Variants in ADAM18 observed in about 807,000 individuals in gnomAD.
ADAM18 encodes disintegrin and metalloproteinase domain-containing protein 18.
ADAM18 carries 117 observed loss-of-function variants against 94.4 expected under a neutral mutation model. That is an observed-to-expected ratio of 1.24 (90% CI 1.07 to 1.45). The LOEUF is 1.45. ADAM18 is among the 40% of genes most tolerant of loss of function. The pLI is 0.00. For synonymous variants in ADAM18, 327 were observed against 291.6 expected, an observed-to-expected ratio of 1.12 and a Z score of -1.24; for missense variants, 936 against 880.0, an observed-to-expected ratio of 1.06 and a Z score of -0.81.
chr8:39,641,564 A>G (rs1186299765), intron 10 of ADAM18, among the ~76,000 whole-genome samples: 1 of 151,692 alleles, frequency 6.6e-6, no homozygotes. Context: ...AGGCGTCCAT[A>G]TGTTCTCATC....
chr8:39,697,917 A>C (rs1049063028), intron 17 of ADAM18, among the ~76,000 whole-genome samples: 2 of 151,832 alleles, frequency 1.3e-5, no homozygotes, highest in Admixed American at 1.3e-4. Context: ...TGATTTGCTC[A>C]AGTGTAGTTT....
rs1444831899 is a variant in ADAM18 at position 39,670,216 on chromosome 8, C to T, written c.1525+2020C>T. On this transcript the variant is annotated intron_variant, in intron 14 of 19. Coordinates refer to ENST00000265707, the MANE Select transcript of ADAM18 (RefSeq NM_014237.3). Reference sequence around the variant, plus strand: ...GTTCATTGTAGATTCTGGATATTAGCCCTTTGTCAGATGAGTTCTGATTGC... The same window carrying T: ...GTTCATTGTAGATTCTGGATATTAGTCCTTTGTCAGATGAGTTCTGATTGC... 2.0e-5 allele frequency among the ~76,000 whole-genome samples: 3 copies of T among 152,124 alleles called. No homozygotes were observed. In the East Asian group the frequency reaches 5.8e-4, roughly 29 times the overall value.
intron 12 of ADAM18, among the ~76,000 whole-genome samples, chr8:39,653,833 C>T (rs1820609089): frequency 6.6e-6 from 1 of 152,128 alleles, no homozygotes; most frequent in Non-Finnish European, 1.5e-5. Flanking sequence ...GGGAACGTTA[C>T]AATTCTTCTC....
chr8:39,682,185 C>T (rs1563304783), intron 16 of ADAM18, among the ~76,000 whole-genome samples: 1 of 152,136 alleles, frequency 6.6e-6, no homozygotes, highest in Non-Finnish European at 1.5e-5. Context: ...CCTCACAGAT[C>T]CTCTACATTT....
At chr8:39,589,387 G>A (rs989698754) in intron 2 of ADAM18, among the ~76,000 whole-genome samples, 27 of 152,234 alleles carry the variant, frequency 1.8e-4, no homozygotes, top group African/African-American at 5.5e-4. Flanking sequence ...AATGAATTAA[G>A]TTGTCATGGT....
intron 17 of ADAM18, among the ~76,000 whole-genome samples, chr8:39,702,132 A>C (rs1822098788): frequency 6.6e-6 from 1 of 152,180 alleles, no homozygotes; most frequent in South Asian, 2.1e-4. Flanking sequence ...CTTTTACTCT[A>C]CAACCTTGCC....
intron 16 of ADAM18, among the ~76,000 whole-genome samples, chr8:39,681,907 A>G (rs1273947953): frequency 6.6e-6 from 1 of 152,206 alleles, no homozygotes; most frequent in Non-Finnish European, 1.5e-5. Flanking sequence ...TAATATAATA[A>G]GAAATGAAAG....
intron 2 of ADAM18, among the ~76,000 whole-genome samples, chr8:39,586,806 C>A (rs62511868): frequency 0.12 from 13,863 of 113,858 alleles, 693 homozygotes; most frequent in Non-Finnish European, 0.17. Flanking sequence ...CTATCTATAT[C>A]TATCTATCTA....
intron 7 of ADAM18, among the ~76,000 whole-genome samples, chr8:39,635,871 C>T (rs1820061112): frequency 6.6e-6 from 1 of 152,120 alleles, no homozygotes; most frequent in African/African-American, 2.4e-5. Flanking sequence ...TCTTGTTAAG[C>T]TGTTGTTAAA....
chr8:39,610,593 G>A lies in ADAM18; in HGVS notation c.409G>A (p.Glu137Lys), dbSNP rs761823550. ...IEPVESSARFEHIIYQMKNND... is the reference protein window; with the variant it reads ...IEPVESSARFKHIIYQMKNND... ...ACCAGTAGAATCTTCAGCAAGATTT[G>A]AGCATATAATTTATCAAATGAAAAA... Residue 137 changes from glutamate (E) to lysine (K), a missense_variant, in exon 6 of 20, where the codon GAG becomes AAG. Transcript: ENST00000265707. The A allele has an allele frequency of 1.1e-5, 17 of 1,612,090 alleles. No individual in the cohort carries two copies. The Admixed American group carries it at 2.8e-4, about 27-fold the overall frequency.
In ADAM18 at chr8:39,661,183, C is replaced by T. The variant is rs148229933; in HGVS notation, c.1231-2612C>T. On this transcript the variant is annotated intron_variant, in intron 12 of 19. Coordinates refer to ENST00000265707, the MANE Select transcript of ADAM18 (RefSeq NM_014237.3). ...TTTTTTTTTTTTTTTGAGGGAGTCT[C>T]GGTTTGTCGCCCAGGCTGGAGTGCA... Among the ~76,000 whole-genome samples the T allele has an allele frequency of 2.7e-3, 360 of 133,206 alleles. 5 individuals carry two copies. The highest frequency in any genetic ancestry group is 9.2e-3 in the African/African-American group (336 of 36,400). 87.4% of individuals were successfully genotyped at this position (133,206 alleles called of 152,430 possible). A position where few individuals can be genotyped will look rare whatever the true frequency, so the allele number is the denominator to read the frequency against.
intron 17 of ADAM18, among the ~76,000 whole-genome samples, chr8:39,698,829 C>T (rs1821992079): frequency 6.6e-6 from 1 of 151,984 alleles, no homozygotes; most frequent in Non-Finnish European, 1.5e-5. Context: ...AAATCTCTTA[C>T]ACCATATTTC....
rs1822504105 is a variant in ADAM18 at position 39,714,209 on chromosome 8, T to C, written c.2017+7305T>C. Among the ~76,000 whole-genome samples the C allele has an allele frequency of 2.0e-5, 3 of 152,300 alleles. No homozygotes were observed. In the South Asian group the frequency reaches 6.2e-4, roughly 32 times the overall value. On this transcript the variant is annotated intron_variant, in intron 18 of 19. Transcript: ENST00000265707. ...ACAGGACAGAAAACCAAGCACTGCA[T>C]GTTCTCACTCATAGGTGGGAAGTGA...
At chr8:39,640,297 T>C (rs749925289) in intron 10 of ADAM18, among the ~76,000 whole-genome samples, 34 of 152,154 alleles carry the variant, frequency 2.2e-4, no homozygotes, top group Non-Finnish European at 4.3e-4. Context: ...TTTTTGTTCC[T>C]GCATTAGTTT....
intron 6 of ADAM18, among the ~76,000 whole-genome samples, chr8:39,616,732 A>C (rs2129578674): frequency 6.6e-6 from 1 of 152,334 alleles, no homozygotes; most frequent in African/African-American, 2.4e-5. Flanking sequence ...CAACCATCTT[A>C]TCTTCAACAG....
chr8:39,720,075 A>C (rs1287600682), intron 18 of ADAM18, among the ~76,000 whole-genome samples: 1 of 145,784 alleles, frequency 6.9e-6, no homozygotes, highest in Admixed American at 7.0e-5. Context: ...TCAACAGATG[A>C]TGGCTAAACA....
rs142710310 is a variant in ADAM18 at position 39,632,611 on chromosome 8, A to G, written c.588+3172A>G. On this transcript the variant is annotated intron_variant, in intron 7 of 19. Coordinates refer to ENST00000265707, the MANE Select transcript of ADAM18 (RefSeq NM_014237.3). ...TATGTTCATGAAATAATGGTATGCT[A>G]TATTCCTTTCTTATAATGATTTTTC... Among the ~76,000 whole-genome samples the G allele has an allele frequency of 1.4e-4, 22 of 152,198 alleles. No individual in the cohort carries two copies. The East Asian group carries it at 4.1e-3, about 28-fold the overall frequency.
chr8:39,692,469 A>C, intron 16 of ADAM18, 131 bp from the exon 17 acceptor site: 1 of 438,278 alleles, frequency 2.3e-6, no homozygotes, highest in Non-Finnish European at 4.1e-6. Context: ...TCATATTAAT[A>C]TTAGTCATAT....
intron 2 of ADAM18, among the ~76,000 whole-genome samples, chr8:39,587,471 G>A (rs922527988): frequency 6.6e-6 from 1 of 152,176 alleles, no homozygotes; most frequent in Non-Finnish European, 1.5e-5. Flanking sequence ...TTGAGATGGA[G>A]TTTTGCTCTG....
Sources: gnomAD v4.1 joint callset for allele counts (sites outside exome capture counted in the v4.1 genomes callset) on GRCh38, gnomAD v4.1.1 for gene constraint, MANE v1.5 for transcripts, NCBI Gene and HGNC (gene_info 2026-07-23, HGNC 2026-07-21) for gene names.